Variants in ALAD observed in about 807,000 individuals in gnomAD.
ALAD encodes the protein delta-aminolevulinic acid dehydratase.
In ALAD, 20 loss-of-function variants were observed where a neutral mutation model predicts 44.4. The ratio of observed to expected loss-of-function variants is 0.45; its 90% CI spans 0.32 to 0.65. ALAD has a LOEUF of 0.65. ALAD is among the 30% of genes least tolerant of loss of function. The pLI, the probability that ALAD is intolerant of heterozygous loss-of-function variation, is 0.05. For missense variants in ALAD, 323 were observed against 445.7 expected (o/e 0.72, Z 2.48); for synonymous variants, 156 against 167.9 (o/e 0.93, Z 0.55).
At chr9:113,400,913 C>G (rs893560182) in intron 1 of ALAD, among the ~76,000 whole-genome samples, 1 of 152,232 alleles carries the variant, frequency 6.6e-6, no homozygotes, top group Admixed American at 6.5e-5. Context: ...TCCCTACCCC[C>G]CCACCAACCA....
intron 1 of ALAD, chr9:113,397,023 T>C (rs1486745357): frequency 6.6e-6 from 1 of 152,042 alleles, no homozygotes; most frequent in African/African-American, 2.4e-5. Flanking sequence ...GACCTCAAGG[T>C]CCAGAGAGGG....
At position 113,390,840 on chromosome 9, in the gene ALAD, A is replaced by C. The variant is rs775575975; in HGVS notation, c.355T>G (p.Cys119Gly). 2 of 1,613,678 alleles carry C rather than the reference A, an allele frequency of 1.2e-6. No homozygotes were observed. Among genetic ancestry groups the C allele is most frequent in the South Asian group, 2.2e-5 (2 of 90,994 alleles). ...RKTFPNLLVA[C>G]DVCLCPYTSH... ...GTGTAGGGACACAGGCAGACATCAC[A>C]GGCCACCAGGAGGTTGGGGAAGGTC... The change falls in exon 5 of 12, where the codon TGT becomes GGT. Residue 119 changes from cysteine to glycine, a missense_variant. Coordinates refer to ENST00000409155, the MANE Select transcript of ALAD (RefSeq NM_000031.6).
chr9:113,386,510 T>C lies in ALAD; in HGVS notation c.*1790A>G, dbSNP rs1588080119. 6.6e-6 allele frequency: 1 copy of C among 152,330 alleles called. No homozygotes were observed. Among genetic ancestry groups the C allele is most frequent in the African/African-American group, 2.4e-5 (1 of 41,572 alleles). 9.4% of individuals were successfully genotyped at this position (152,330 alleles called of 1,614,324 possible). On this transcript the variant is annotated 3_prime_UTR_variant, in exon 12 of 12. Coordinates refer to ENST00000409155, the MANE Select transcript of ALAD (RefSeq NM_000031.6). ...GACTTATGATCATATTTTCAACTTA[T>C]GATCATATTTTCAACTTATGATGGG...
Position 113,388,084 on chromosome 9 carries a change from G to A in ALAD, c.*216C>T. ...GGCCTCACGGCTGACCCAGGGGAGG[G>A]GCGGGGAAGCTTGGGAGAGCTCATA... is the stretch of plus-strand genomic sequence containing the variant. On this transcript the variant is annotated 3_prime_UTR_variant, in exon 12 of 12. Transcript: ENST00000409155. The A allele has an allele frequency of 3.3e-6, 2 of 612,554 alleles. No homozygotes were observed. Among genetic ancestry groups the A allele is most frequent in the Non-Finnish European group, 6.0e-6 (2 of 335,728 alleles). 37.9% of individuals were successfully genotyped at this position (612,554 alleles called of 1,614,324 possible).
At chr9:113,393,742 A>G (rs1292448052) in intron 1 of ALAD, 108 bp from the exon 2 acceptor site, 15 of 587,152 alleles carry the variant, frequency 2.6e-5, no homozygotes, top group Admixed American at 8.6e-5. Flanking sequence ...CTCTAGCCCA[A>G]TGCTACTCAC....
At chr9:113,399,223 A>G (rs929825365) in intron 1 of ALAD, among the ~76,000 whole-genome samples, 1 of 152,250 alleles carries the variant, frequency 6.6e-6, no homozygotes, top group Admixed American at 6.5e-5. Flanking sequence ...AATAGGCATG[A>G]TATCTCTAAC....
Position 113,391,792 on chromosome 9 carries a change from A to C in ALAD, c.165-169T>G, listed in dbSNP as rs368496995. Among the ~76,000 whole-genome samples the C allele has an allele frequency of 4.5e-3, 690 of 152,362 alleles. 3 individuals carry two copies. The highest frequency in any genetic ancestry group is 0.016 in the African/African-American group (645 of 41,582). ...GGATGCATCCACTAAATAGGAGGGA[A>C]GACTGAGGCCCTGAGTAGCAGAGCT... On this transcript the variant is annotated intron_variant, in intron 3 of 11. Transcript: ENST00000409155.
rs780865233 is a variant in ALAD, at chr9:113,386,666, C to G, written c.*1634G>C. On this transcript the variant is annotated 3_prime_UTR_variant, in exon 12 of 12. Transcript: ENST00000409155. The stretch of plus-strand genomic sequence containing the variant: ...TAGGGGCAGAGGCCTTGGAGTTGGA[C>G]TACATGGGTTCAAATCCCAGCTTGG... The G allele has an allele frequency of 2.6e-5, 4 of 152,186 alleles. No homozygotes were observed. Among genetic ancestry groups the G allele is most frequent in the Non-Finnish European group, 5.9e-5 (4 of 68,046 alleles). The allele number at this position is 152,186 out of a possible 1,614,324, so 9.4% of individuals were successfully genotyped here. A position where few individuals can be genotyped will look rare whatever the true frequency, so the allele number is the denominator to read the frequency against.
At chr9:113,398,509 G>A (rs1048400428) in intron 1 of ALAD, among the ~76,000 whole-genome samples, 6 of 152,202 alleles carry the variant, frequency 3.9e-5, no homozygotes, top group African/African-American at 1.4e-4. Flanking sequence ...GGCAGGGTTA[G>A]AGTAAAGGGA....
chr9:113,389,170 C>T lies in ALAD; in HGVS notation c.802-64G>A, dbSNP rs8177814. On this transcript the variant is annotated intron_variant, in intron 10 of 11. Coordinates refer to ENST00000409155, the MANE Select transcript of ALAD (RefSeq NM_000031.6). ...GGTGGATGTGGCTCTGGAAGCGTCCCTTCCCCCCTGCTCAATCTGTGACCA... is the reference window on the plus strand; with the variant it reads ...GGTGGATGTGGCTCTGGAAGCGTCCTTTCCCCCCTGCTCAATCTGTGACCA... 7.9e-3 allele frequency: 12,579 copies of T among 1,601,478 alleles called. 65 individuals carry two copies. Among genetic ancestry groups the T allele is most frequent in the Non-Finnish European group, 9.7e-3 (11,346 of 1,173,408 alleles).
chr9:113,389,880 C>T, intron 7 of ALAD, 52 bp from the exon 8 acceptor site: 2 of 1,608,078 alleles, frequency 1.2e-6, no homozygotes, highest in Non-Finnish European at 1.7e-6. Context: ...CCAGGTATCC[C>T]AGGGTGATGT....
rs1019830721 is a variant in ALAD, at chr9:113,388,219, C to T, written c.*81G>A. On this transcript the variant is annotated 3_prime_UTR_variant, in exon 12 of 12. Coordinates refer to ENST00000409155, the MANE Select transcript of ALAD (RefSeq NM_000031.6). ...GGGCATGAGGGCACAGTTCTAAAAG[C>T]AGCATTTACTTTGGTTTTCACTTGT... The T allele has an allele frequency of 4.9e-6, 7 of 1,427,438 alleles. No individual in the cohort carries two copies. The Middle Eastern group carries it at 5.3e-4, about 107-fold the overall frequency. 88.4% of individuals were successfully genotyped at this position (1,427,438 alleles called of 1,614,324 possible). A position where few individuals can be genotyped will look rare whatever the true frequency, so the allele number is the denominator to read the frequency against.
At chr9:113,389,733 G>T (rs763960444) in intron 8 of ALAD, 40 bp downstream of exon 8, 7 of 1,614,182 alleles carry the variant, frequency 4.3e-6, no homozygotes, top group Non-Finnish European at 5.9e-6. Context: ...GGGCCAAAGG[G>T]CCAGGGATTC....
intron 1 of ALAD, chr9:113,397,187 C>G (rs1827752976): frequency 6.6e-6 from 1 of 152,214 alleles, no homozygotes; most frequent in South Asian, 2.1e-4. Flanking sequence ...AGAAAACCAC[C>G]TTTGTAACAG....
chr9:113,393,408 C>G, intron 2 of ALAD, 39 bp downstream of exon 2: 8 of 1,510,656 alleles, frequency 5.3e-6, no homozygotes, highest in Non-Finnish European at 7.4e-6. Flanking sequence ...CCAACCCCAA[C>G]CAGCAGAGCA....
At chr9:113,390,269 G>C in intron 7 of ALAD, 136 bp downstream of exon 7, 1 of 890,062 alleles carries the variant, frequency 1.1e-6, no homozygotes, top group South Asian at 1.4e-5. Context: ...TGATCTACCT[G>C]CCTCAGCCTC....
chr9:113,388,195 G>C lies in ALAD; in HGVS notation c.*105C>G, dbSNP rs1293895594. On this transcript the variant is annotated 3_prime_UTR_variant, in exon 12 of 12. Coordinates refer to ENST00000409155, the MANE Select transcript of ALAD (RefSeq NM_000031.6). Reference sequence around the variant, plus strand: ...CCCGCTAGCATGTGAGCAGGAAGAGGGCATGAGGGCACAGTTCTAAAAGCA... The same window carrying C: ...CCCGCTAGCATGTGAGCAGGAAGAGCGCATGAGGGCACAGTTCTAAAAGCA... 8.2e-7 allele frequency: 1 copy of C among 1,218,268 alleles called. No homozygotes were observed. The highest frequency in any genetic ancestry group is 1.2e-6 in the Non-Finnish European group (1 of 822,316). The allele number at this position is 1,218,268 out of a possible 1,614,324, so 75.5% of individuals were successfully genotyped here.
intron 2 of ALAD, 50 bp downstream of exon 2, chr9:113,393,397 C>G (rs764685261): frequency 6.5e-7 from 1 of 1,537,942 alleles, no homozygotes; most frequent in East Asian, 2.3e-5. Context: ...CCTCCCCAAC[C>G]CCAACCCCAA....
rs558483853 is a variant in ALAD at position 113,393,523 on chromosome 9, G to A, written c.37C>T (p.His13Tyr). 1.2e-6 allele frequency: 2 copies of A among 1,613,992 alleles called. No homozygotes were observed. The highest frequency in any genetic ancestry group is 2.2e-5 in the East Asian group (1 of 44,882). The change falls in exon 2 of 12, where the codon CAC becomes TAC. Residue 13 changes from histidine to tyrosine, a missense_variant. By Grantham distance (83) the His-to-Tyr change is moderately conservative. Coordinates refer to ENST00000409155, the MANE Select transcript of ALAD (RefSeq NM_000031.6). ...PQSVLHSGYF[H>Y]PLLRAWQTAT... ...GTCTGCCAGGCCCGAAGTAGTGGGT[G>A]GAAGTAGCCGCTGTGCAGAACGGAC...
Sources: gnomAD v4.1 joint callset for allele counts (sites outside exome capture counted in the v4.1 genomes callset) on GRCh38, gnomAD v4.1.1 for gene constraint, MANE v1.5 for transcripts, NCBI Gene and HGNC (gene_info 2026-07-23, HGNC 2026-07-21) for gene names.